The following OPRM1 variants were observed in gnomAD, a reference collection of about 807,000 sequenced individuals.
OPRM1 encodes the protein opioid receptor mu 1.
OPRM1 carries 27 observed loss-of-function variants against 31.8 expected under a neutral mutation model. The ratio of observed to expected loss-of-function variants is 0.85; its 90% confidence interval spans 0.63 to 1.17. The LOEUF (loss-of-function observed/expected upper bound fraction) is 1.17, where lower values mean the gene tolerates loss of function less well. Among genes scored for constraint, OPRM1 ranks in the 50% most tolerant of loss-of-function variants. The probability of loss-of-function intolerance (pLI) is 0.00; values close to 1 mark genes in which losing one functional copy is unlikely to be tolerated. For synonymous variants in OPRM1, 196 were observed against 189.9 expected (o/e 1.03, Z -0.26); for missense variants, 536 against 511.1 (o/e 1.05, Z -0.47).
chr6:154,201,606 T>C (rs1852629), intron 3 of OPRM1, among the ~76,000 whole-genome samples: 88,976 of 152,098 alleles, frequency 0.58, 26,461 homozygotes, highest in East Asian at 0.89. Context: ...TTCAAAACTC[T>C]AAGGAAGGCC....
chr6:154,207,848 A>G (rs749781508), intron 3 of OPRM1, among the ~76,000 whole-genome samples: 1 of 152,250 alleles, frequency 6.6e-6, no homozygotes, highest in Non-Finnish European at 1.5e-5. Context: ...ATAAGCTTCT[A>G]GAAGCTGGAA....
chr6:154,179,792 G>T (rs1196829000), intron 3 of OPRM1, among the ~76,000 whole-genome samples: 2 of 152,180 alleles, frequency 1.3e-5, no homozygotes, highest in Non-Finnish European at 2.9e-5. Context: ...AAGAATAAAA[G>T]TTCACTTTCA....
chr6:154,133,331 T>TG (rs1797978347), downstream of OPRM1, among the ~76,000 whole-genome samples: 1 of 152,196 alleles, frequency 6.6e-6, no homozygotes, highest in Non-Finnish European at 1.5e-5. Context: ...AAGCTTTGAA[T>TG]GGTGTCTTAT....
intron 1 of OPRM1, among the ~76,000 whole-genome samples, chr6:154,067,890 C>G (rs139263646): frequency 6.6e-6 from 1 of 152,040 alleles, no homozygotes; most frequent in African/African-American, 2.4e-5. Context: ...CTTTCTTTGT[C>G]ACTTGTAAAC....
intron 3 of OPRM1, among the ~76,000 whole-genome samples, chr6:154,241,932 A>G (rs753991250): frequency 6.6e-6 from 1 of 152,178 alleles, no homozygotes; most frequent in African/African-American, 2.4e-5. Context: ...CAGCCTGGGG[A>G]AAAGAGCCTG....
intron 3 of OPRM1, among the ~76,000 whole-genome samples, chr6:154,204,480 GT>G (rs1320874266): frequency 1.3e-5 from 2 of 152,146 alleles, no homozygotes; most frequent in Non-Finnish European, 2.9e-5. Flanking sequence ...GTCAATTGTT[GT>G]TAAGCCCCAG....
At chr6:154,200,261 G>C (rs763744718) in intron 3 of OPRM1, among the ~76,000 whole-genome samples, 1 of 152,060 alleles carries the variant, frequency 6.6e-6, no homozygotes, top group Non-Finnish European at 1.5e-5. Flanking sequence ...CACTGTTCTA[G>C]GATCTGAAAA....
chr6:154,044,618 G>GA lies in OPRM1; in HGVS notation c.290+4791dup, dbSNP rs879832160. Among the ~76,000 whole-genome samples the GA allele has an allele frequency of 2.0e-5, 3 of 150,822 alleles. No homozygotes were observed. The South Asian group carries it at 6.2e-4, about 31-fold the overall frequency. ...AATTAATATTTAGGTATAATACTCA[G>GA]AAAAAAACCTCAGCTACTGCTGCAA... On this transcript the variant is annotated intron_variant, in intron 1 of 3. Coordinates refer to ENST00000330432, the MANE Select transcript of OPRM1 (RefSeq NM_000914.5).
At chr6:154,093,498 C>T (rs368927445) in intron 3 of OPRM1, 16 of 1,603,834 alleles carry the variant, frequency 1.0e-5, no homozygotes, top group African/African-American at 6.7e-5. Flanking sequence ...CTTCCAAATT[C>T]GGCATTTTCA....
At position 154,212,953 on chromosome 6, in the gene OPRM1, C is replaced by T. The variant is rs148122571; in HGVS notation, c.1165-33740C>T. 3.7e-6 allele frequency: 3 copies of T among 811,954 alleles called. No individual in the cohort carries two copies. The East Asian group carries it at 8.0e-5, about 22-fold the overall frequency. The allele number at this position is 811,954 out of a possible 1,614,324, so 50.3% of individuals were successfully genotyped here. ...TATCTCCATCTGGCTATTGCAATTTCAATCCAATTCAGAAAGTTCATATCT... is the reference window on the plus strand; with the variant it reads ...TATCTCCATCTGGCTATTGCAATTTTAATCCAATTCAGAAAGTTCATATCT... On this transcript the variant is annotated intron_variant, in intron 3 of 3. Coordinates refer to the OPRM1 transcript ENST00000337049.
intron 3 of OPRM1, chr6:154,107,953 TTTTTATTTTATTTTA>T (rs754655370): frequency 7.7e-6 from 4 of 518,044 alleles, no homozygotes; most frequent in African/African-American, 4.7e-5. Flanking sequence ...AACACTGATT[TTTTTATTTTATTTTA>T]TTTTATTTTA....
chr6:154,127,992 G>A lies in OPRM1; in HGVS notation c.*9271G>A, dbSNP rs192738468. Among the ~76,000 whole-genome samples the A allele has an allele frequency of 6.6e-6, 1 of 152,164 alleles. No homozygotes were observed. The highest frequency in any genetic ancestry group is 1.5e-5 in the Non-Finnish European group (1 of 68,030). ...ATGGCCCTTATTTCTCAAGGGACCA[G>A]AGAAAACCAATAGGCCTACTCCCCA... On this transcript the variant is annotated 3_prime_UTR_variant, in exon 4 of 4. Coordinates refer to ENST00000330432, the MANE Select transcript of OPRM1 (RefSeq NM_000914.5).
At chr6:154,170,044 T>C (rs770175190) in intron 3 of OPRM1, among the ~76,000 whole-genome samples, 8 of 152,152 alleles carry the variant, frequency 5.3e-5, no homozygotes, top group Non-Finnish European at 1.0e-4. Context: ...ATGTTACCCA[T>C]GTTAAGCTAC....
At chr6:154,141,506 G>A (rs1798209225) in intron 3 of OPRM1, among the ~76,000 whole-genome samples, 1 of 152,230 alleles carries the variant, frequency 6.6e-6, no homozygotes, top group Non-Finnish European at 1.5e-5. Flanking sequence ...CTCAGTTAAT[G>A]TATCAAGTTT....
chr6:154,010,518 G>A, exon 1 of OPRM1: 1 of 1,543,612 alleles, frequency 6.5e-7, no homozygotes, highest in Non-Finnish European at 8.8e-7. Flanking sequence ...AGAAAATGAT[G>A]AGGGCTAAAT....
At chr6:154,086,562 C>A in intron 1 of OPRM1, 4 of 984,860 alleles carry the variant, frequency 4.1e-6, no homozygotes, top group Non-Finnish European at 4.8e-6. Flanking sequence ...ATGTTGAACC[C>A]TGACATAATT....
chr6:154,211,177 G>A (rs547062540), intron 3 of OPRM1, among the ~76,000 whole-genome samples: 2 of 152,220 alleles, frequency 1.3e-5, no homozygotes, highest in South Asian at 4.2e-4. Flanking sequence ...AGCACTTTGG[G>A]AGGCCGAGGC....
rs118022223 is a variant in OPRM1 at position 154,113,364 on chromosome 6, C to T, written c.1165-5319C>T. On this transcript the variant is annotated intron_variant, in intron 3 of 3. Transcript: ENST00000330432. ...AAAGGAAATAAAATCCAAAGAGTGG[C>T]GCCATTGCCAATTATTGCAAGGACT... Among the ~76,000 whole-genome samples, 24 of 152,262 alleles carry T rather than the reference C, an allele frequency of 1.6e-4. No individual in the cohort carries two copies. In the East Asian group the frequency reaches 3.3e-3, roughly 21 times the overall value.
chr6:154,189,071 A>G (rs1334331429), intron 3 of OPRM1, among the ~76,000 whole-genome samples: 1 of 152,232 alleles, frequency 6.6e-6, no homozygotes, highest in Non-Finnish European at 1.5e-5. Flanking sequence ...AATATGTTAA[A>G]CTGACAATGA....
Sources: allele counts gnomAD v4.1 joint callset (sites outside exome capture counted in the v4.1 genomes callset), GRCh38; gene constraint gnomAD v4.1.1; transcripts MANE v1.5; gene names NCBI Gene and HGNC (gene_info 2026-07-23, HGNC 2026-07-21).